LEMD3: variants seen among roughly 807,000 people sequenced by gnomAD.
LEMD3 encodes inner nuclear membrane protein Man1.
A neutral mutation model predicts 95.2 loss-of-function variants in LEMD3; 33 were observed. The ratio of observed to expected loss-of-function variants is 0.35; its 90% CI spans 0.26 to 0.46. LEMD3 has a LOEUF of 0.46. LEMD3 is among the 20% of genes least tolerant of loss of function. LEMD3 has a pLI of 1.00. For missense variants in LEMD3, 1,210 were observed against 1,192.8 expected (o/e 1.01, Z -0.21); for synonymous variants, 525 against 474.6 (o/e 1.11, Z -1.38).
At chr12:65,191,141 A>G (rs990296324) in intron 1 of LEMD3, among the ~76,000 whole-genome samples, 2 of 152,022 alleles carry the variant, frequency 1.3e-5, no homozygotes, top group African/African-American at 2.4e-5. Context: ...AGCCAGAGCA[A>G]TGGTATAATC....
intron 1 of LEMD3, among the ~76,000 whole-genome samples, chr12:65,207,734 T>C (rs1869806756): frequency 6.6e-6 from 1 of 152,178 alleles, no homozygotes; most frequent in Admixed American, 6.5e-5. Context: ...TCCTGACTCA[T>C]AAATAGCATA....
intron 3 of LEMD3, among the ~76,000 whole-genome samples, chr12:65,217,334 T>G (rs937835017): frequency 6.6e-6 from 1 of 152,224 alleles, no homozygotes; most frequent in Non-Finnish European, 1.5e-5. Flanking sequence ...TAGGCCAGAT[T>G]TGACCCATGG....
chr12:65,185,120 CAGTCATCT>C (rs1301538470), intron 1 of LEMD3, among the ~76,000 whole-genome samples: 1 of 152,060 alleles, frequency 6.6e-6, no homozygotes, highest in Non-Finnish European at 1.5e-5. Context: ...CCAAGTCTGG[CAGTCATCT>C]ACTTTAAACT....
intron 1 of LEMD3, among the ~76,000 whole-genome samples, chr12:65,181,437 G>T (rs981842745): frequency 6.6e-6 from 1 of 152,078 alleles, no homozygotes; most frequent in African/African-American, 2.4e-5. Flanking sequence ...CCACGCTTTG[G>T]CTGGCATTCT....
rs753873005 is a variant in LEMD3, at chr12:65,218,583, A to G, written c.1659A>G (p.Arg553=). Residue 553 remains arginine, a synonymous_variant, in exon 4 of 13, where the codon AGA becomes AGG. Coordinates refer to ENST00000308330, the MANE Select transcript of LEMD3 (RefSeq NM_014319.5). ...GDHECGSSSQ[R]TLSVQEAAAY... Reference sequence around the variant, plus strand: ...ATGAATGTGGCAGTTCTAGTCAAAGAACGCTTTCTGTTCAAGAGGCAGCTG... The same window carrying G: ...ATGAATGTGGCAGTTCTAGTCAAAGGACGCTTTCTGTTCAAGAGGCAGCTG... The G allele has an allele frequency of 3.1e-6, 5 of 1,607,362 alleles. No individual in the cohort carries two copies. The South Asian group carries it at 4.4e-5, about 14-fold the overall frequency.
rs184921468 is a variant in LEMD3, at chr12:65,175,748, A to G, written c.1522+4630A>G. Among the ~76,000 whole-genome samples, 93 of 152,138 alleles carry G rather than the reference A, an allele frequency of 6.1e-4. No individual in the cohort carries two copies. The South Asian group carries it at 7.5e-3, about 12-fold the overall frequency. ...CATTATCTTCCAGTTTTGTATTTTT[A>G]CCTTGGATTTCTCCTGAGATCTAGG... On this transcript the variant is annotated intron_variant, in intron 1 of 12. Coordinates refer to ENST00000308330, the MANE Select transcript of LEMD3 (RefSeq NM_014319.5).
intron 2 of LEMD3, among the ~76,000 whole-genome samples, chr12:65,211,952 C>T (rs1352646188): frequency 1.3e-5 from 2 of 152,244 alleles, no homozygotes; most frequent in East Asian, 1.9e-4. Flanking sequence ...TCATTCTGTA[C>T]AGGGCCCCTT....
chr12:65,208,587 T>C (rs1869834389), intron 1 of LEMD3, among the ~76,000 whole-genome samples: 1 of 152,136 alleles, frequency 6.6e-6, no homozygotes, highest in Non-Finnish European at 1.5e-5. Context: ...TTGGTGTGTT[T>C]TTAGAAATAC....
intron 1 of LEMD3, among the ~76,000 whole-genome samples, chr12:65,186,943 TATAA>T (rs1869085981): frequency 6.6e-6 from 1 of 152,050 alleles, no homozygotes; most frequent in Non-Finnish European, 1.5e-5. Context: ...ATGATATGAA[TATAA>T]ATAAGTTACT....
intron 1 of LEMD3, among the ~76,000 whole-genome samples, chr12:65,192,798 A>G (rs1007872392): frequency 1.3e-5 from 2 of 152,216 alleles, no homozygotes; most frequent in African/African-American, 2.4e-5. Context: ...TGTGGAAATG[A>G]TCTAGATATT....
chr12:65,172,843 A>G (rs1216217740), intron 1 of LEMD3, among the ~76,000 whole-genome samples: 1 of 151,774 alleles, frequency 6.6e-6, no homozygotes, highest in Non-Finnish European at 1.5e-5. Context: ...CTCCTGCCTC[A>G]GCCTCCCAAG....
At chr12:65,239,524 G>A (rs1870869212) in intron 6 of LEMD3, among the ~76,000 whole-genome samples, 1 of 152,142 alleles carries the variant, frequency 6.6e-6, no homozygotes. Flanking sequence ...CTCCAGCCTG[G>A]ATGACAGAGT....
At chr12:65,203,540 C>G (rs1869666595) in intron 1 of LEMD3, among the ~76,000 whole-genome samples, 1 of 152,038 alleles carries the variant, frequency 6.6e-6, no homozygotes, top group Admixed American at 6.6e-5. Flanking sequence ...TTTGTTATGG[C>G]ATGTTTTATG....
At chr12:65,187,362 C>T (rs1303708890) in intron 1 of LEMD3, among the ~76,000 whole-genome samples, 3 of 151,968 alleles carry the variant, frequency 2.0e-5, no homozygotes, top group Non-Finnish European at 4.4e-5. Context: ...GTGTGTGTGC[C>T]TCTGTCTCTC....
intron 1 of LEMD3, among the ~76,000 whole-genome samples, chr12:65,180,470 T>C (rs1358928012): frequency 6.6e-6 from 1 of 151,638 alleles, no homozygotes; most frequent in East Asian, 1.9e-4. Flanking sequence ...GCATGTTTAA[T>C]ATCATTATTT....
intron 1 of LEMD3, among the ~76,000 whole-genome samples, chr12:65,209,771 T>C (rs1301171692): frequency 1.3e-5 from 2 of 152,064 alleles, no homozygotes; most frequent in African/African-American, 4.8e-5. Flanking sequence ...CTTGCTCTTT[T>C]ATTGTACCTT....
intron 1 of LEMD3, among the ~76,000 whole-genome samples, chr12:65,204,551 T>C: frequency 6.6e-6 from 1 of 152,214 alleles, no homozygotes; most frequent in Non-Finnish European, 1.5e-5. Flanking sequence ...GGTGTATATG[T>C]ACCACATTTT....
intron 1 of LEMD3, among the ~76,000 whole-genome samples, chr12:65,203,488 G>T (rs924162968): frequency 1.2e-4 from 18 of 152,200 alleles, no homozygotes; most frequent in Middle Eastern, 6.8e-3. Flanking sequence ...TCTTAATTCA[G>T]TTGCAGCCTG....
intron 4 of LEMD3, among the ~76,000 whole-genome samples, chr12:65,228,365 TTTA>T (rs3047069): frequency 7.2e-6 from 1 of 139,028 alleles, no homozygotes; most frequent in East Asian, 2.1e-4. Context: ...CTTTTTGTGT[TTTA>T]TTATTATTAT....
Sources: gnomAD v4.1 joint callset for allele counts (sites outside exome capture counted in the v4.1 genomes callset) on GRCh38, gnomAD v4.1.1 for gene constraint, MANE v1.5 for transcripts, NCBI Gene and HGNC (gene_info 2026-07-23, HGNC 2026-07-21) for gene names.